SYTL5: variants seen among roughly 807,000 people sequenced by gnomAD.
The protein encoded by SYTL5 is synaptotagmin-like protein 5.
SYTL5 carries 34 observed loss-of-function variants against 55.9 expected under a neutral mutation model. The observed-to-expected ratio is 0.61, with a 90% CI of 0.46 to 0.81. SYTL5 has a LOEUF of 0.81. Ranked by LOEUF, SYTL5 falls within the 30% of genes least tolerant of loss-of-function variation. The probability of loss-of-function intolerance (pLI) is 0.00; values close to 1 mark genes in which losing one functional copy is unlikely to be tolerated. For synonymous variants in SYTL5, 221 were observed against 188.7 expected (o/e 1.17, Z -1.40); for missense variants, 637 against 546.7 (o/e 1.17, Z -1.65).
chrX:37,946,538 C>G, the SYTL5 span: 1 of 191,001 alleles, frequency 5.2e-6, no homozygotes, highest in Non-Finnish European at 1.0e-5. Flanking sequence ...CTTCTTTGGA[C>G]ATGGGTGACA....
At chrX:38,078,745 G>GC (rs2147446846) in intron 6 of SYTL5, among the ~76,000 whole-genome samples, 1 of 112,136 alleles carries the variant, frequency 8.9e-6, no homozygotes, top group East Asian at 2.8e-4. Context: ...CTACTACTAG[G>GC]CATAAATAAC....
chrX:38,042,771 C>T (rs1569165604), intron 2 of SYTL5, among the ~76,000 whole-genome samples: 1 of 111,814 alleles, frequency 8.9e-6, no homozygotes, highest in African/African-American at 3.2e-5. Context: ...AAAGAAGACC[C>T]ATCCCCTCAA....
At chrX:38,013,953 C>A (rs1346583870) in intron 1 of SYTL5, among the ~76,000 whole-genome samples, 3 of 111,295 alleles carry the variant, frequency 2.7e-5, no homozygotes, top group African/African-American at 9.8e-5. Context: ...CTCACAGGAG[C>A]CAGGTAGCAT....
chrX:37,917,269 T>C, the SYTL5 span, among the ~76,000 whole-genome samples: 1 of 112,182 alleles, frequency 8.9e-6, no homozygotes, highest in South Asian at 3.7e-4. Context: ...TCAGGAATTA[T>C]GTTCCACCTC....
chrX:37,962,346 T>C, the SYTL5 span, among the ~76,000 whole-genome samples: 1 of 111,183 alleles, frequency 9.0e-6, no homozygotes, highest in South Asian at 3.9e-4. Flanking sequence ...GTCCCTGCGA[T>C]AGTTTGCTGA....
the SYTL5 span, among the ~76,000 whole-genome samples, chrX:37,914,960 A>G: frequency 9.0e-6 from 1 of 111,421 alleles, no homozygotes; most frequent in Non-Finnish European, 1.9e-5. Flanking sequence ...ACGGCCCTTC[A>G]GGGTCACATC....
At chrX:37,993,931 C>T in the SYTL5 span, among the ~76,000 whole-genome samples, 1 of 112,215 alleles carries the variant, frequency 8.9e-6, no homozygotes, top group East Asian at 2.8e-4. Context: ...GACCAGGTTC[C>T]TCTCAAAAAG....
intron 11 of SYTL5, 75 bp downstream of exon 11, chrX:38,106,846 A>G (rs1937230848): frequency 1.1e-6 from 1 of 884,481 alleles, no homozygotes; most frequent in African/African-American, 2.0e-5. Flanking sequence ...CCTTTTCAAA[A>G]GAGTCTTAGC....
chrX:38,076,657 C>T lies in SYTL5; in HGVS notation c.645C>T (p.Asp215=), dbSNP rs200835919. ...DTGRSYSLDL[D]GQHFRSLKSP... is the part of the protein sequence containing the mutation. ...GGCGGAGCTATAGCTTGGACTTAGA[C>T]GGTCAACATTTTCGGAGTTTAAAAT... The change falls in exon 6 of 17, where the codon GAC becomes GAT. Residue 215 remains aspartate (D), a synonymous_variant. Transcript: ENST00000297875. 7.6e-5 allele frequency: 92 copies of T among 1,208,603 alleles called. No homozygotes were observed. Among genetic ancestry groups the T allele is most frequent in the Admixed American group, 2.8e-4 (13 of 45,629 alleles).
At chrX:37,979,091 CA>C in the SYTL5 span, among the ~76,000 whole-genome samples, 4 of 111,063 alleles carry the variant, frequency 3.6e-5, no homozygotes, top group East Asian at 1.1e-3. Flanking sequence ...GACAGGTCTC[CA>C]TCAATTTAGA....
the SYTL5 span, among the ~76,000 whole-genome samples, chrX:37,960,782 A>G: frequency 2.2e-4 from 17 of 76,710 alleles, no homozygotes; most frequent in Non-Finnish European, 3.1e-4. Flanking sequence ...TTATTTATTT[A>G]TTTATTTATT....
intron 2 of SYTL5, among the ~76,000 whole-genome samples, chrX:38,039,829 CA>C (rs1247680834): frequency 9.0e-6 from 1 of 111,728 alleles, no homozygotes; most frequent in Non-Finnish European, 1.9e-5. Flanking sequence ...TCAGCTCTAG[CA>C]GTGAATTTTT....
intron 10 of SYTL5, 106 bp from the exon 11 acceptor site, chrX:38,106,487 A>G (rs1569188438): frequency 1.4e-6 from 1 of 736,183 alleles, no homozygotes; most frequent in Admixed American, 3.7e-5. Flanking sequence ...CTAGACTTCC[A>G]TGCTCATTAT....
chrX:37,901,647 A>T, the SYTL5 span, among the ~76,000 whole-genome samples: 1 of 112,341 alleles, frequency 8.9e-6, no homozygotes, highest in East Asian at 2.8e-4. Flanking sequence ...CCTTGAAAAC[A>T]TTATGCTCAG....
intron 2 of SYTL5, among the ~76,000 whole-genome samples, chrX:38,050,518 A>G (rs1487333270): frequency 1.8e-5 from 2 of 111,733 alleles, no homozygotes; most frequent in Middle Eastern, 9.3e-3. Flanking sequence ...ATATAAATGT[A>G]TCTATAGAGC....
At chrX:37,967,384 C>A in the SYTL5 span, among the ~76,000 whole-genome samples, 3 of 111,533 alleles carry the variant, frequency 2.7e-5, no homozygotes, top group Admixed American at 9.5e-5. Context: ...TATTACACTC[C>A]TTTCTGGTAT....
the SYTL5 span, among the ~76,000 whole-genome samples, chrX:37,891,859 A>T: frequency 9.0e-6 from 1 of 111,654 alleles, no homozygotes; most frequent in Non-Finnish European, 1.9e-5. Context: ...GGCATCTCTG[A>T]TAGATGTATG....
chrX:38,113,679 C>G (rs1470799482), intron 13 of SYTL5, among the ~76,000 whole-genome samples: 1 of 111,518 alleles, frequency 9.0e-6, no homozygotes, highest in Non-Finnish European at 1.9e-5. Context: ...CTGTAGCAGC[C>G]AAAGATGTTA....
intron 6 of SYTL5, among the ~76,000 whole-genome samples, chrX:38,086,275 A>T (rs1248143388): frequency 1.8e-5 from 2 of 111,457 alleles, no homozygotes; most frequent in Admixed American, 1.9e-4. Flanking sequence ...CTAGCTTGGA[A>T]CAAACATTCA....
Sources: gnomAD v4.1 joint callset for allele counts (sites outside exome capture counted in the v4.1 genomes callset) on GRCh38, gnomAD v4.1.1 for gene constraint, MANE v1.5 for transcripts, NCBI Gene and HGNC (gene_info 2026-07-23, HGNC 2026-07-21) for gene names.